Variants in ENOX1 observed in about 807,000 individuals in gnomAD.
ENOX1 encodes candidate growth-related and time keeping constitutive hydroquinone (NADH) oxidase.
In ENOX1, 42 loss-of-function variants were observed where a neutral mutation model predicts 82.5. The ratio of observed to expected loss-of-function variants is 0.51; its 90% CI spans 0.40 to 0.66. The LOEUF (loss-of-function observed/expected upper bound fraction) is 0.66, where lower values mean the gene tolerates loss of function less well. Ranked by LOEUF, ENOX1 falls within the 30% of genes least tolerant of loss-of-function variation. The pLI, the probability that ENOX1 is intolerant of heterozygous loss-of-function variation, is 0.00. For missense variants in ENOX1, 608 were observed against 811.6 expected (o/e 0.75, Z 3.05); for synonymous variants, 271 against 282.2 (o/e 0.96, Z 0.40).
At chr13:43,440,550 C>A (rs527862566) in intron 3 of ENOX1, among the ~76,000 whole-genome samples, 56 of 152,192 alleles carry the variant, frequency 3.7e-4, no homozygotes, top group African/African-American at 1.3e-3. Flanking sequence ...TTCTACTTTA[C>A]CTAAAATTTG....
chr13:43,683,737 T>C (rs2085915620), intron 1 of ENOX1, among the ~76,000 whole-genome samples: 1 of 152,116 alleles, frequency 6.6e-6, no homozygotes, highest in Admixed American at 6.5e-5. Flanking sequence ...GACAACTTTT[T>C]GTTCTACCGT....
chr13:43,385,437 A>G lies in ENOX1; in HGVS notation c.209-23985T>C, dbSNP rs183230089. Reference sequence around the variant, plus strand: ...AGAAAAAAAAATGTTTCAACAGATAATAAGTAAAAAACAAAAGGGAAATTT... The same window carrying G: ...AGAAAAAAAAATGTTTCAACAGATAGTAAGTAAAAAACAAAAGGGAAATTT... On this transcript the variant is annotated intron_variant, in intron 5 of 16. Transcript: ENST00000690772. Among the ~76,000 whole-genome samples, 4 of 152,290 alleles carry G rather than the reference A, an allele frequency of 2.6e-5. No homozygotes were observed. The East Asian group carries it at 7.7e-4, about 29-fold the overall frequency.
At chr13:43,736,461 C>T (rs2089635717) in intron 1 of ENOX1, among the ~76,000 whole-genome samples, 1 of 151,760 alleles carries the variant, frequency 6.6e-6, no homozygotes, top group Non-Finnish European at 1.5e-5. Flanking sequence ...AGATGGCAAG[C>T]AAGTGTTCCA....
At chr13:43,728,050 C>A (rs981057675) in intron 1 of ENOX1, among the ~76,000 whole-genome samples, 4 of 152,152 alleles carry the variant, frequency 2.6e-5, no homozygotes, top group Non-Finnish European at 4.4e-5. Context: ...ATTTAATACC[C>A]CTTGGGCTTT....
At position 43,717,172 on chromosome 13, in the gene ENOX1, C is replaced by T. The variant is rs145469918; in HGVS notation, c.-284-49628G>A. 1.9e-3 allele frequency among the ~76,000 whole-genome samples: 291 copies of T among 152,212 alleles called. 1 individual carries two copies. The highest frequency in any genetic ancestry group is 6.8e-3 in the Middle Eastern group (2 of 294). Reference sequence around the variant, plus strand: ...TAAGGCTACAGTTACCCAAACAGCACGGTACTGGTACAAAAAAAGATACAC... The same window carrying T: ...TAAGGCTACAGTTACCCAAACAGCATGGTACTGGTACAAAAAAAGATACAC... On this transcript the variant is annotated intron_variant, in intron 1 of 16. Transcript: ENST00000690772.
intron 1 of ENOX1, among the ~76,000 whole-genome samples, chr13:43,685,958 T>A (rs1345972196): frequency 6.6e-6 from 1 of 151,446 alleles, no homozygotes; most frequent in East Asian, 1.9e-4. Flanking sequence ...ATGTGAAGTC[T>A]TGGCCAACAT....
intron 3 of ENOX1, among the ~76,000 whole-genome samples, chr13:43,455,795 G>A (rs2057199523): frequency 1.3e-5 from 2 of 151,926 alleles, no homozygotes; most frequent in African/African-American, 4.8e-5. Flanking sequence ...AGATCTGACG[G>A]TTTTATAAGG....
chr13:43,564,414 TC>T (rs2079826969), intron 2 of ENOX1, among the ~76,000 whole-genome samples: 1 of 151,648 alleles, frequency 6.6e-6, no homozygotes, highest in Non-Finnish European at 1.5e-5. Context: ...ATACAAAAAT[TC>T]AAAATAAAAA....
intron 2 of ENOX1, among the ~76,000 whole-genome samples, chr13:43,598,242 TCTCCTCCTAAGAACACATAGCCCC>T (rs2081554726): frequency 6.6e-6 from 1 of 151,478 alleles, no homozygotes; most frequent in Non-Finnish European, 1.5e-5. Flanking sequence ...TGTATAGCAC[TCTCCTCCTAAGAACACATAGCCCC>T]CTCCAACAAG....
At chr13:43,516,622 G>A (rs916261284) in intron 2 of ENOX1, among the ~76,000 whole-genome samples, 2 of 152,132 alleles carry the variant, frequency 1.3e-5, no homozygotes, top group Non-Finnish European at 2.9e-5. Context: ...GAGCAACAGG[G>A]AAGAACAAAG....
chr13:43,642,515 G>A (rs1338963972), intron 2 of ENOX1, among the ~76,000 whole-genome samples: 1 of 152,184 alleles, frequency 6.6e-6, no homozygotes, highest in Non-Finnish European at 1.5e-5. Flanking sequence ...ATTAAATTTA[G>A]CTGATAGGTG....
At chr13:43,465,266 T>C (rs1035981748) in intron 3 of ENOX1, among the ~76,000 whole-genome samples, 2 of 152,234 alleles carry the variant, frequency 1.3e-5, no homozygotes, top group Non-Finnish European at 2.9e-5. Flanking sequence ...TATTTATTTA[T>C]TTGTTCGATT....
chr13:43,410,712 CAA>C (rs1305008778), intron 5 of ENOX1, among the ~76,000 whole-genome samples: 3 of 151,694 alleles, frequency 2.0e-5, no homozygotes, highest in Non-Finnish European at 4.4e-5. Flanking sequence ...AAAAGAAACA[CAA>C]CAAAAAACAA....
intron 11 of ENOX1, among the ~76,000 whole-genome samples, chr13:43,312,242 T>G (rs923980360): frequency 7.9e-5 from 12 of 152,160 alleles, no homozygotes; most frequent in African/African-American, 2.7e-4. Context: ...CTCAAGAAGA[T>G]TGATATTACT....
intron 1 of ENOX1, among the ~76,000 whole-genome samples, chr13:43,730,421 A>C (rs80258436): frequency 6.6e-6 from 1 of 152,100 alleles, no homozygotes; most frequent in East Asian, 1.9e-4. Flanking sequence ...ATATTTCTCA[A>C]TTGCCCTGAG....
chr13:43,364,880 T>C (rs937764675), intron 5 of ENOX1, among the ~76,000 whole-genome samples: 1 of 152,100 alleles, frequency 6.6e-6, no homozygotes. Context: ...AGGAAGGGAA[T>C]TGCTGGGAGA....
intron 2 of ENOX1, among the ~76,000 whole-genome samples, chr13:43,533,406 C>T (rs1220464303): frequency 6.6e-6 from 1 of 152,020 alleles, no homozygotes; most frequent in Non-Finnish European, 1.5e-5. Context: ...TTCAATAAAT[C>T]GAGTATTTTC....
At chr13:43,775,572 G>A (rs889857856) in intron 1 of ENOX1, among the ~76,000 whole-genome samples, 1 of 152,202 alleles carries the variant, frequency 6.6e-6, no homozygotes, top group Non-Finnish European at 1.5e-5. Context: ...GTGCTACAAT[G>A]CCTAAACTGC....
intron 3 of ENOX1, among the ~76,000 whole-genome samples, chr13:43,448,708 A>G (rs1386411758): frequency 1.3e-5 from 2 of 152,100 alleles, no homozygotes; most frequent in Non-Finnish European, 2.9e-5. Context: ...TTTTCAGTTC[A>G]GTAAGTGAGA....
Sources: gnomAD v4.1 joint callset for allele counts (sites outside exome capture counted in the v4.1 genomes callset) on GRCh38, gnomAD v4.1.1 for gene constraint, MANE v1.5 for transcripts, NCBI Gene and HGNC (gene_info 2026-07-23, HGNC 2026-07-21) for gene names.